Variants in CCDC25 observed in about 807,000 individuals in gnomAD.
The protein encoded by CCDC25 is coiled-coil domain containing 25.
Under a neutral mutation model 35.3 loss-of-function variants are expected in CCDC25, and 16 were observed. The observed-to-expected ratio is 0.45, with a 90% CI of 0.31 to 0.69. The LOEUF (loss-of-function observed/expected upper bound fraction) is 0.69, where lower values mean the gene tolerates loss of function less well. Ranked by LOEUF, CCDC25 falls within the 30% of genes least tolerant of loss-of-function variation. CCDC25 has a pLI of 0.06. For synonymous variants in CCDC25, 79 were observed against 80.3 expected (o/e 0.98, Z 0.09); for missense variants, 179 against 250.7 (o/e 0.71, Z 1.93).
At position 27,733,930 on chromosome 8, in the gene CCDC25, C is replaced by T. The variant is rs1414671675; in HGVS notation, c.*2286G>A. On this transcript the variant is annotated 3_prime_UTR_variant, in exon 9 of 9. Transcript: ENST00000356537. ...CAGCTGAAACTCTCCCCGTCTAATC[C>T]TGCTGTGTGTATGGCTCACACCATC... 6.6e-6 allele frequency: 1 copy of T among 152,168 alleles called. No homozygotes were observed. Among genetic ancestry groups the T allele is most frequent in the Non-Finnish European group, 1.5e-5 (1 of 68,034 alleles). 9.4% of individuals were successfully genotyped at this position (152,168 alleles called of 1,614,324 possible).
intron 2 of CCDC25, 36 bp downstream of exon 2, chr8:27,765,168 T>A: frequency 2.0e-6 from 3 of 1,489,428 alleles, no homozygotes; most frequent in Non-Finnish European, 2.7e-6. Flanking sequence ...ACTTACCTGC[T>A]GAAAATTTCA....
rs181883109 is a variant in CCDC25 at position 27,763,131 on chromosome 8, T to C, written c.77-673A>G. On this transcript the variant is annotated intron_variant, in intron 2 of 8. Coordinates refer to ENST00000356537, the MANE Select transcript of CCDC25 (RefSeq NM_018246.3). ...TAAAAATAAAGTTCTTTGGGAACAA[T>C]GACTACCTAATTCTCTTATATGAAT... 1.3e-3 allele frequency among the ~76,000 whole-genome samples: 205 copies of C among 152,324 alleles called. 2 individuals are homozygous for C. Among genetic ancestry groups the C allele is most frequent in the African/African-American group, 4.6e-3 (193 of 41,580 alleles).
At chr8:27,766,439 T>C (rs890422306) in intron 1 of CCDC25, among the ~76,000 whole-genome samples, 4 of 152,152 alleles carry the variant, frequency 2.6e-5, no homozygotes, top group African/African-American at 9.7e-5. Flanking sequence ...CTAATTCCTT[T>C]GTTTAACATT....
At chr8:27,759,985 G>A (rs1804168526) in intron 3 of CCDC25, among the ~76,000 whole-genome samples, 1 of 151,988 alleles carries the variant, frequency 6.6e-6, no homozygotes, top group Non-Finnish European at 1.5e-5. Context: ...ATCATTCTTA[G>A]CACTCCCTGG....
At chr8:27,770,245 C>G (rs1210387594) in intron 1 of CCDC25, among the ~76,000 whole-genome samples, 1 of 152,044 alleles carries the variant, frequency 6.6e-6, no homozygotes, top group African/African-American at 2.4e-5. Context: ...AGTTCAAGAC[C>G]AGCCTGAGCA....
chr8:27,743,417 C>A (rs978970380), intron 7 of CCDC25, among the ~76,000 whole-genome samples: 1 of 152,242 alleles, frequency 6.6e-6, no homozygotes, highest in African/African-American at 2.4e-5. Flanking sequence ...CCAGCAAGGG[C>A]CTGCATGGAC....
Position 27,750,833 on chromosome 8 carries a change from C to T in CCDC25, c.244+1679G>A, listed in dbSNP as rs115416295. Among the ~76,000 whole-genome samples the T allele has an allele frequency of 3.5e-3, 532 of 152,288 alleles. 4 individuals carry two copies. The highest frequency in any genetic ancestry group is 0.011 in the African/African-American group (472 of 41,552). ...GACCCAGAACAGGCTGATTCTATAGCGACAAACAAATTTAGCCCCAAAGCC... is the reference window on the plus strand; with the variant it reads ...GACCCAGAACAGGCTGATTCTATAGTGACAAACAAATTTAGCCCCAAAGCC... On this transcript the variant is annotated intron_variant, in intron 5 of 8. Coordinates refer to ENST00000356537, the MANE Select transcript of CCDC25 (RefSeq NM_018246.3).
chr8:27,772,391 G>T, intron 1 of CCDC25, 122 bp downstream of exon 1: 1 of 938,978 alleles, frequency 1.1e-6, no homozygotes, highest in South Asian at 1.4e-5. Context: ...AGAGGCCGCG[G>T]GAAGAGGCAC....
At chr8:27,760,907 C>G (rs368108577) in intron 3 of CCDC25, among the ~76,000 whole-genome samples, 1 of 152,272 alleles carries the variant, frequency 6.6e-6, no homozygotes, top group South Asian at 2.1e-4. Flanking sequence ...GGGTAGATCA[C>G]CTGAGGTTAG....
At position 27,748,270 on chromosome 8, in the gene CCDC25, C is replaced by T; in HGVS notation, c.358G>A (p.Val120Met). ...GFHRQKDVKI[V>M]TVEKKVNEIL... ...TCATTTACTTTCTTCTCCACTGTCA[C>T]AATTTTTACCTTTAAGGGAGATAGG... is the stretch of plus-strand genomic sequence containing the variant. Residue 120 changes from valine to methionine, a missense_variant, in exon 7 of 9, where the codon GTG becomes ATG. By Grantham distance (21) the Val-to-Met change is conservative (BLOSUM62 1). Transcript: ENST00000356537. 1.2e-6 allele frequency: 2 copies of T among 1,612,956 alleles called. No homozygotes were observed. The highest frequency in any genetic ancestry group is 1.3e-5 in the African/African-American group (1 of 74,964).
chr8:27,756,067 T>C (rs903826195), intron 4 of CCDC25, among the ~76,000 whole-genome samples: 1 of 152,172 alleles, frequency 6.6e-6, no homozygotes, highest in African/African-American at 2.4e-5. Context: ...ATATAAGATG[T>C]TGATGATGGG....
rs140156301 is a variant in CCDC25, at chr8:27,764,967, C to G, written c.76+237G>C. Among the ~76,000 whole-genome samples the G allele has an allele frequency of 2.5e-3, 380 of 152,344 alleles. 5 individuals are homozygous for G. The highest frequency in any genetic ancestry group is 8.7e-3 in the African/African-American group (362 of 41,582). Reference sequence around the variant, plus strand: ...ATATTAACACTTGAGTTTTACATTTCTCCTACTAACCCATAAATCATCACA... The same window carrying G: ...ATATTAACACTTGAGTTTTACATTTGTCCTACTAACCCATAAATCATCACA... On this transcript the variant is annotated intron_variant, in intron 2 of 8. Transcript: ENST00000356537.
At chr8:27,738,442 G>C (rs1305543186) in intron 8 of CCDC25, among the ~76,000 whole-genome samples, 1 of 152,120 alleles carries the variant, frequency 6.6e-6, no homozygotes, top group Non-Finnish European at 1.5e-5. Flanking sequence ...ATTCATACTT[G>C]GAGCTCAGGA....
intron 3 of CCDC25, among the ~76,000 whole-genome samples, chr8:27,757,435 T>C (rs1267622099): frequency 6.6e-6 from 1 of 152,170 alleles, no homozygotes; most frequent in Non-Finnish European, 1.5e-5. Context: ...TCCGGCCCTA[T>C]ATTCTGACAG....
intron 7 of CCDC25, among the ~76,000 whole-genome samples, chr8:27,746,858 C>T (rs553521645): frequency 5.3e-5 from 8 of 152,268 alleles, no homozygotes; most frequent in Admixed American, 2.6e-4. Context: ...AATAACAGTA[C>T]GTGTTCATTA....
At chr8:27,760,178 C>A (rs930172987) in intron 3 of CCDC25, among the ~76,000 whole-genome samples, 6 of 152,128 alleles carry the variant, frequency 3.9e-5, no homozygotes, top group Middle Eastern at 3.2e-3. Flanking sequence ...GAAGTACTAA[C>A]CTTAATGAAA....
chr8:27,753,297 T>A (rs527950404), intron 4 of CCDC25, among the ~76,000 whole-genome samples: 1 of 152,334 alleles, frequency 6.6e-6, no homozygotes, highest in Admixed American at 6.5e-5. Context: ...AGGGTCTGAA[T>A]GAATCCCTTA....
rs756484869 is a variant in CCDC25, at chr8:27,740,554, T to A, written c.552-37A>T. ...AAAACACACACACACATTTAAAATATGGTGATCCAGTCAACAAATATTTGA... is the reference window on the plus strand; with the variant it reads ...AAAACACACACACACATTTAAAATAAGGTGATCCAGTCAACAAATATTTGA... On this transcript the variant is annotated intron_variant, in intron 7 of 8. Transcript: ENST00000356537. The A allele has an allele frequency of 6.4e-5, 100 of 1,571,510 alleles. No individual in the cohort carries two copies. In the South Asian group the frequency reaches 9.7e-4, roughly 15 times the overall value.
At chr8:27,750,153 T>C (rs1803746578) in intron 5 of CCDC25, among the ~76,000 whole-genome samples, 1 of 152,160 alleles carries the variant, frequency 6.6e-6, no homozygotes, top group Admixed American at 6.5e-5. Flanking sequence ...GATCAAATGC[T>C]GTTGGAAAGC....
Sources: allele counts gnomAD v4.1 joint callset (sites outside exome capture counted in the v4.1 genomes callset), GRCh38; gene constraint gnomAD v4.1.1; transcripts MANE v1.5; gene names NCBI Gene and HGNC (gene_info 2026-07-23, HGNC 2026-07-21).